The following CSMD1 variants were observed in gnomAD, a reference collection of about 807,000 sequenced individuals.
CSMD1 encodes the protein CUB and sushi domain-containing protein 1.
CSMD1 carries 213 observed loss-of-function variants against 417.5 expected under a neutral mutation model. The observed-to-expected ratio is 0.51, with a 90% CI of 0.46 to 0.57. CSMD1 has a LOEUF of 0.57. Among genes scored for constraint, CSMD1 ranks in the 20% least tolerant of loss-of-function variants. The pLI is 0.00. For synonymous variants in CSMD1, 2,862 were observed against 1,736.8 expected (o/e 1.65, Z -16.11); for missense variants, 6,923 against 4,529.7 (o/e 1.53, Z -15.17).
At chr8:4,147,059 C>G (rs1804181628) in intron 3 of CSMD1, among the ~76,000 whole-genome samples, 1 of 151,946 alleles carries the variant, frequency 6.6e-6, no homozygotes, top group Non-Finnish European at 1.5e-5. Context: ...CCTTCACCCT[C>G]CTGCCCTAAC....
intron 3 of CSMD1, among the ~76,000 whole-genome samples, chr8:4,360,355 C>T (rs536605933): frequency 2.6e-5 from 4 of 152,332 alleles, no homozygotes; most frequent in African/African-American, 4.8e-5. Flanking sequence ...GCATGATTAA[C>T]ACATGCCTCT....
chr8:4,823,696 GAATT>G (rs1176633054), intron 1 of CSMD1, among the ~76,000 whole-genome samples: 1 of 152,014 alleles, frequency 6.6e-6, no homozygotes, highest in Non-Finnish European at 1.5e-5. Flanking sequence ...TCTATGGTGA[GAATT>G]AATATAATGC....
At chr8:3,705,868 C>A (rs62474754) in intron 7 of CSMD1, among the ~76,000 whole-genome samples, 45,916 of 152,102 alleles carry the variant, frequency 0.3, 7,535 homozygotes, top group East Asian at 0.49. Flanking sequence ...GAGGCCTCCA[C>A]TGAAGGCACC....
chr8:3,134,304 A>T (rs1037753422), intron 41 of CSMD1, among the ~76,000 whole-genome samples: 31 of 152,356 alleles, frequency 2.0e-4, no homozygotes, highest in Non-Finnish European at 3.5e-4. Context: ...GCAGTTCCTG[A>T]ACCATGACCC....
At chr8:3,618,027 G>A (rs997189144) in intron 7 of CSMD1, among the ~76,000 whole-genome samples, 1 of 152,086 alleles carries the variant, frequency 6.6e-6, no homozygotes, top group Non-Finnish European at 1.5e-5. Flanking sequence ...TTTGAGACAG[G>A]ATCTCACTCT....
chr8:4,025,151 G>A (rs1271040034), intron 4 of CSMD1, among the ~76,000 whole-genome samples: 1 of 152,226 alleles, frequency 6.6e-6, no homozygotes. Flanking sequence ...ATTTTCCATG[G>A]ATGTGAGCTC....
intron 7 of CSMD1, among the ~76,000 whole-genome samples, chr8:3,674,144 T>G (rs373231536): frequency 1.3e-5 from 2 of 152,146 alleles, no homozygotes; most frequent in African/African-American, 4.8e-5. Flanking sequence ...TGTCCATTTG[T>G]CAATGTTGAG....
intron 6 of CSMD1, among the ~76,000 whole-genome samples, chr8:3,709,028 T>C (rs1470548599): frequency 6.6e-6 from 1 of 152,136 alleles, no homozygotes; most frequent in Non-Finnish European, 1.5e-5. Context: ...ACACCACCAG[T>C]CCCTCCAGAC....
At chr8:4,036,325 A>G (rs1797615141) in intron 3 of CSMD1, among the ~76,000 whole-genome samples, 1 of 144,740 alleles carries the variant, frequency 6.9e-6, no homozygotes, top group South Asian at 2.1e-4. Context: ...CAGTATATTT[A>G]GTAAATTTAA....
chr8:3,779,443 G>C (rs928763459), intron 5 of CSMD1, among the ~76,000 whole-genome samples: 8 of 152,068 alleles, frequency 5.3e-5, no homozygotes, highest in African/African-American at 1.4e-4. Context: ...CGTTTAAGTT[G>C]TCATTTTAAA....
intron 5 of CSMD1, among the ~76,000 whole-genome samples, chr8:3,775,125 A>G (rs1460248723): frequency 6.6e-6 from 1 of 152,236 alleles, no homozygotes; most frequent in Admixed American, 6.5e-5. Context: ...TGTTGACCGT[A>G]GGTAACTGAA....
intron 26 of CSMD1, among the ~76,000 whole-genome samples, chr8:3,268,217 A>C (rs1304537882): frequency 6.7e-6 from 1 of 149,776 alleles, no homozygotes; most frequent in Non-Finnish European, 1.5e-5. Flanking sequence ...TGATTACACT[A>C]GTGCCATCAT....
chr8:4,385,781 T>C (rs1044156330), intron 3 of CSMD1, among the ~76,000 whole-genome samples: 1 of 152,200 alleles, frequency 6.6e-6, no homozygotes, highest in Non-Finnish European at 1.5e-5. Context: ...AATGGTTGTT[T>C]GTATTTGTAG....
chr8:3,304,636 C>G (rs1394187574), intron 25 of CSMD1, among the ~76,000 whole-genome samples: 1 of 152,062 alleles, frequency 6.6e-6, no homozygotes, highest in Non-Finnish European at 1.5e-5. Context: ...GTGTGTACCT[C>G]ATATTGAAAT....
At chr8:3,388,134 T>C (rs1811126408) in intron 17 of CSMD1, among the ~76,000 whole-genome samples, 1 of 152,210 alleles carries the variant, frequency 6.6e-6, no homozygotes, top group African/African-American at 2.4e-5. Flanking sequence ...AATGCATACA[T>C]ACACCCAAAC....
Position 4,994,510 on chromosome 8 carries a change from G to T in CSMD1, c.-94C>A. 8.8e-7 allele frequency: 1 copy of T among 1,137,942 alleles called. No individual in the cohort carries two copies. The highest frequency in any genetic ancestry group is 1.3e-6 in the Non-Finnish European group (1 of 786,490). The allele number at this position is 1,137,942 out of a possible 1,614,324, so 70.5% of individuals were successfully genotyped here. On this transcript the variant is annotated 5_prime_UTR_variant, in exon 1 of 70. The change creates a premature stop within an existing upstream ORF in the 5' untranslated region. Transcript: ENST00000635120. The stretch of plus-strand genomic sequence containing the variant: ...CCAAATAATCACCCGAGGGCAAGGC[G>T]AGCCGGAGAGAGAGCCCGGTCCCAA...
intron 3 of CSMD1, among the ~76,000 whole-genome samples, chr8:4,192,530 A>T (rs973345305): frequency 2.6e-5 from 4 of 152,156 alleles, no homozygotes; most frequent in Non-Finnish European, 4.4e-5. Flanking sequence ...CTGACCTTTC[A>T]GCAACAGGGG....
chr8:4,475,947 G>C (rs1020602195), intron 2 of CSMD1, among the ~76,000 whole-genome samples: 12 of 151,910 alleles, frequency 7.9e-5, no homozygotes, highest in Non-Finnish European at 4.4e-5. Context: ...ATTGCTGTTG[G>C]TTTCATTTTG....
At chr8:3,132,040 C>T (rs779831272) in intron 41 of CSMD1, among the ~76,000 whole-genome samples, 28 of 152,106 alleles carry the variant, frequency 1.8e-4, no homozygotes, top group Admixed American at 1.3e-3. Context: ...CCTTTGGTAG[C>T]CATAATGCCA....
Sources: gnomAD v4.1 joint callset for allele counts (sites outside exome capture counted in the v4.1 genomes callset) on GRCh38, gnomAD v4.1.1 for gene constraint, MANE v1.5 for transcripts, NCBI Gene and HGNC (gene_info 2026-07-23, HGNC 2026-07-21) for gene names.